Variants in CDKN2B-AS1 observed in about 807,000 individuals in gnomAD.
CDKN2B-AS1 encodes CDKN2B and CDKN2A antisense cis and trans regulatory RNA 1.
At chr9:22,034,675 G>C (rs1822611977) in intron 1 of CDKN2B-AS1, among the ~76,000 whole-genome samples, 1 of 151,636 alleles carries the variant, frequency 6.6e-6, no homozygotes, top group South Asian at 2.1e-4. Flanking sequence ...ACAGTGTAGA[G>C]GTTGGCAAAC....
At chr9:22,119,734 A>G (rs1826050272) in intron 4 of CDKN2B-AS1, 2 of 152,238 alleles carry the variant, frequency 1.3e-5, no homozygotes, top group Non-Finnish European at 1.5e-5. Context: ...GATGAGTGCC[A>G]GTCTGGGTCC....
At position 21,999,210 on chromosome 9, in the gene CDKN2B-AS1, G is replaced by A. The variant is rs1820819114; in HGVS notation, n.29+4049G>A. 6.6e-6 allele frequency among the ~76,000 whole-genome samples: 1 copy of A among 151,846 alleles called. No homozygotes were observed. The highest frequency in any genetic ancestry group is 2.4e-5 in the African/African-American group (1 of 41,368). ...TTACAATATCTAGTCAAAACTGTAT[G>A]AGAATATAGGTACCCTTTGACTCAG... On this transcript the variant is annotated intron_variant and non_coding_transcript_variant, in intron 1 of 4. Transcript: ENST00000650946. This position sits in a 1 kb window ranked among gnomAD's most constrained non-coding sequence, Gnocchi z 4.7.
At chr9:22,107,447 C>A (rs1825689468) in intron 4 of CDKN2B-AS1, among the ~76,000 whole-genome samples, 1 of 152,208 alleles carries the variant, frequency 6.6e-6, no homozygotes, top group African/African-American at 2.4e-5. Flanking sequence ...GCAGCCTCCT[C>A]TGAAATGCTG....
chr9:22,118,776 CTCTGCTGCTGAAATTCACATGTA>C (rs1345814956), intron 4 of CDKN2B-AS1: 1 of 152,188 alleles, frequency 6.6e-6, no homozygotes, highest in East Asian at 1.9e-4. Flanking sequence ...AGGTGAGTGA[CTCTGCTGCTGAAATTCACATGTA>C]TGTGAATTTC....
intron 4 of CDKN2B-AS1, among the ~76,000 whole-genome samples, chr9:22,100,096 A>C (rs1317422377): frequency 2.0e-5 from 3 of 152,186 alleles, no homozygotes; most frequent in African/African-American, 7.2e-5. Context: ...TAAAGGCGAT[A>C]GTATTTTATT....
chr9:22,117,183 A>G (rs1303409497), intron 4 of CDKN2B-AS1, among the ~76,000 whole-genome samples: 3 of 152,244 alleles, frequency 2.0e-5, no homozygotes, highest in African/African-American at 7.2e-5. Context: ...TCACATATTT[A>G]GAGCTTAATT....
chr9:22,052,123 T>C (rs192997980), intron 3 of CDKN2B-AS1, among the ~76,000 whole-genome samples: 6 of 152,316 alleles, frequency 3.9e-5, no homozygotes, highest in Admixed American at 2.6e-4. Context: ...TTGAAAAACT[T>C]ATTGCCTCTC....
chr9:22,096,897 C>T (rs1030468861), intron 4 of CDKN2B-AS1, among the ~76,000 whole-genome samples: 1 of 152,166 alleles, frequency 6.6e-6, no homozygotes, highest in African/African-American at 2.4e-5. Context: ...ACCCCGCTCA[C>T]CTTGCTGGAT....
intron 4 of CDKN2B-AS1, among the ~76,000 whole-genome samples, chr9:22,098,259 T>C (rs2131351717): frequency 6.6e-6 from 1 of 151,528 alleles, no homozygotes; most frequent in South Asian, 2.1e-4. Context: ...TATATGTGTA[T>C]ATGTATTTAT....
chr9:22,025,057 C>T (rs1822174508), intron 1 of CDKN2B-AS1, among the ~76,000 whole-genome samples: 2 of 152,214 alleles, frequency 1.3e-5, no homozygotes, highest in South Asian at 4.1e-4. Context: ...GATCGCCATC[C>T]CTGTCCATGC....
At chr9:22,054,111 A>G (rs944914725) in intron 3 of CDKN2B-AS1, among the ~76,000 whole-genome samples, 5 of 152,226 alleles carry the variant, frequency 3.3e-5, no homozygotes, top group African/African-American at 1.2e-4. Flanking sequence ...GTGATAAACA[A>G]TTTATACACA....
At chr9:22,038,070 A>C (rs1352254209) in intron 1 of CDKN2B-AS1, among the ~76,000 whole-genome samples, 1 of 152,106 alleles carries the variant, frequency 6.6e-6, no homozygotes, top group Non-Finnish European at 1.5e-5. Flanking sequence ...ATCATATTTC[A>C]TAATGACTTG....
intron 1 of CDKN2B-AS1, among the ~76,000 whole-genome samples, chr9:22,018,933 G>T (rs1821904041): frequency 6.6e-6 from 1 of 152,142 alleles, no homozygotes; most frequent in Non-Finnish European, 1.5e-5. Flanking sequence ...GAGCTGATCT[G>T]GTCTGGTGGT....
At chr9:22,083,811 A>T (rs1043290398) in intron 4 of CDKN2B-AS1, among the ~76,000 whole-genome samples, 1 of 152,164 alleles carries the variant, frequency 6.6e-6, no homozygotes, top group Non-Finnish European at 1.5e-5. Flanking sequence ...CTGTGGATTT[A>T]GTTGGATATT....
intron 1 of CDKN2B-AS1, among the ~76,000 whole-genome samples, chr9:22,011,921 A>G (rs1034645557): frequency 1.3e-5 from 2 of 152,234 alleles, no homozygotes; most frequent in African/African-American, 4.8e-5. Context: ...TGGAGAATTT[A>G]TAATTGAGAA....
At chr9:22,007,931 C>A (rs1821277304) in intron 1 of CDKN2B-AS1, among the ~76,000 whole-genome samples, 1 of 152,078 alleles carries the variant, frequency 6.6e-6, no homozygotes, top group Non-Finnish European at 1.5e-5. Flanking sequence ...ATACTATTAA[C>A]AAGATCCCTT....
At chr9:22,082,519 C>G (rs564450441) in intron 4 of CDKN2B-AS1, among the ~76,000 whole-genome samples, 2 of 152,314 alleles carry the variant, frequency 1.3e-5, no homozygotes, top group East Asian at 3.9e-4. Context: ...AATCCCACTG[C>G]ACTCCAAAAT....
rs1391329012 is a variant in CDKN2B-AS1 at position 22,001,616 on chromosome 9, T to G, written n.29+6455T>G. Among the ~76,000 whole-genome samples the G allele has an allele frequency of 6.6e-6, 1 of 152,132 alleles. No individual in the cohort carries two copies. The highest frequency in any genetic ancestry group is 2.4e-5 in the African/African-American group (1 of 41,442). On this transcript the variant is annotated intron_variant and non_coding_transcript_variant, in intron 1 of 4. Coordinates refer to ENST00000650946, the Ensembl canonical transcript of CDKN2B-AS1. This position sits in a 1 kb window ranked among gnomAD's most constrained non-coding sequence, Gnocchi z 4.2. ...ACTAGTATTAGTTCATATTTTCTTTTATTATGTAATTAATAGGGCCTATAT... is the reference window on the plus strand; with the variant it reads ...ACTAGTATTAGTTCATATTTTCTTTGATTATGTAATTAATAGGGCCTATAT...
chr9:22,031,920 G>C (rs1048743706), intron 1 of CDKN2B-AS1, among the ~76,000 whole-genome samples: 2 of 152,198 alleles, frequency 1.3e-5, no homozygotes, highest in South Asian at 4.1e-4. Flanking sequence ...GGGACCTGAG[G>C]GCAGCCTCTG....
Sources: gnomAD v4.1 joint callset for allele counts (sites outside exome capture counted in the v4.1 genomes callset) on GRCh38, gnomAD v4.1.1 for gene constraint, Gnocchi (gnomAD v3.1) non-coding constraint, MANE v1.5 for transcripts, NCBI Gene and HGNC (gene_info 2026-07-23, HGNC 2026-07-21) for gene names.